MPI: variants seen among roughly 807,000 people sequenced by gnomAD.
MPI encodes mannose phosphate isomerase, also known as mannose-6-phosphate isomerase.
Under a neutral mutation model 40.1 loss-of-function variants are expected in MPI, and 33 were observed. The observed-to-expected ratio is 0.82, with a 90% CI of 0.62 to 1.10. MPI has a LOEUF of 1.10. Among genes scored for constraint, MPI ranks in the 50% least tolerant of loss-of-function variants. MPI has a pLI of 0.00. For synonymous variants in MPI, 187 were observed against 207.4 expected, an observed-to-expected ratio of 0.90 and a Z score of 0.85; for missense variants, 514 against 524.1, an observed-to-expected ratio of 0.98 and a Z score of 0.19.
intron 5 of MPI, 126 bp downstream of exon 5, chr15:74,893,446 A>G (rs1447327701): frequency 9.6e-7 from 1 of 1,041,126 alleles, no homozygotes; most frequent in African/African-American, 1.6e-5. Context: ...CCCCACTTAG[A>G]TGACCTGTTG....
In MPI at chr15:74,890,054, T is replaced by C. The variant is rs1448993721; in HGVS notation, c.-20T>C. ...TGCCGGGAAAGGCATACGTGCTTAATCCTGGTGCAGGGGGCGAGCATGGCC... is the reference window on the plus strand; with the variant it reads ...TGCCGGGAAAGGCATACGTGCTTAACCCTGGTGCAGGGGGCGAGCATGGCC... On this transcript the variant is annotated 5_prime_UTR_variant, in exon 1 of 8. Coordinates refer to ENST00000352410, the MANE Select transcript of MPI (RefSeq NM_002435.3). 2 of 1,605,940 alleles carry C rather than the reference T, an allele frequency of 1.2e-6. No homozygotes were observed. The highest frequency in any genetic ancestry group is 1.7e-6 in the Non-Finnish European group (2 of 1,179,898).
chr15:74,897,379 T>G, intron 7 of MPI, 133 bp from the exon 8 acceptor site: 1 of 1,288,300 alleles, frequency 7.8e-7, no homozygotes, highest in East Asian at 2.4e-5. Context: ...GGACCAGGCC[T>G]CTATGCTGAC....
rs747755732 is a variant in MPI, at chr15:74,897,587, G to A, written c.1129G>A (p.Val377Ile). The A allele has an allele frequency of 1.9e-6, 3 of 1,614,080 alleles. No individual in the cohort carries two copies. The highest frequency in any genetic ancestry group is 2.7e-5 in the African/African-American group (2 of 74,920). The change falls in exon 8 of 8, where the codon GTA (valine) becomes ATA (isoleucine). Residue 377 changes from valine (V) to isoleucine (I), a missense_variant. Transcript: ENST00000352410. ...CATCCTCCTGATGGTACAGGGGACA[G>A]TAATAGCCAGCACACCCACAACCCA... ...ASILLMVQGT[V>I]IASTPTTQTP... is the part of the protein sequence containing the mutation.
At position 74,890,047 on chromosome 15, in the gene MPI, T is replaced by A; in HGVS notation, c.-27T>A. ...CGGGGGCTGCCGGGAAAGGCATACG[T>A]GCTTAATCCTGGTGCAGGGGGCGAG... On this transcript the variant is annotated 5_prime_UTR_variant, in exon 1 of 8. Transcript: ENST00000352410. 6.2e-6 allele frequency: 10 copies of A among 1,604,894 alleles called. 1 individual carries two copies. Among genetic ancestry groups the A allele is most frequent in the South Asian group, 2.2e-5 (2 of 91,022 alleles).
In MPI at chr15:74,901,136, T is replaced by A. The variant is rs559116467; in HGVS notation, c.*3406T>A. 6.6e-6 allele frequency: 1 copy of A among 152,348 alleles called. No individual in the cohort carries two copies. The highest frequency in any genetic ancestry group is 2.4e-5 in the African/African-American group (1 of 41,550). 9.4% of individuals were successfully genotyped at this position (152,348 alleles called of 1,614,324 possible). A position where few individuals can be genotyped will look rare whatever the true frequency, so the allele number is the denominator to read the frequency against. On this transcript the variant is annotated 3_prime_UTR_variant, in exon 8 of 8. Transcript: ENST00000352410. ...TATACCCCAATCCCGACTATTGGGC[T>A]GGGAACCCTGTCTATGCCCATTCAA...
At position 74,901,744 on chromosome 15, in the gene MPI, G is replaced by A. The variant is rs1490755100; in HGVS notation, c.*4014G>A. 2.0e-5 allele frequency: 4 copies of A among 201,150 alleles called. No individual in the cohort carries two copies. In the East Asian group the frequency reaches 3.3e-4, roughly 16 times the overall value. The allele number at this position is 201,150 out of a possible 1,614,324, so 12.5% of individuals were successfully genotyped here. On this transcript the variant is annotated 3_prime_UTR_variant, in exon 8 of 8. Transcript: ENST00000352410. ...AAAAAGTAAACAATAGGAAGGCACC[G>A]GACTGCTCCCTGTAGCTCCCTCTGC...
intron 2 of MPI, chr15:74,890,965 TCCTG>T (rs952528429): frequency 3.5e-5 from 20 of 566,638 alleles, no homozygotes; most frequent in Admixed American, 3.4e-4. Context: ...AAAATATTTC[TCCTG>T]CCTATTTAGT....
chr15:74,891,878 C>T (rs78390497), intron 3 of MPI, among the ~76,000 whole-genome samples: 2,957 of 152,290 alleles, frequency 0.019, 99 homozygotes, highest in African/African-American at 0.067. Flanking sequence ...GCCATTTACT[C>T]ATCTGCTTTC....
At chr15:74,894,929 C>T (rs2064794884) in intron 5 of MPI, among the ~76,000 whole-genome samples, 1 of 152,040 alleles carries the variant, frequency 6.6e-6, no homozygotes, top group South Asian at 2.1e-4. Context: ...GCCTCATGCT[C>T]TCTGGAGCAG....
At chr15:74,896,976 TTCA>T in intron 6 of MPI, 32 bp from the exon 7 acceptor site, 2 of 1,602,836 alleles carry the variant, frequency 1.2e-6, no homozygotes, top group Non-Finnish European at 1.7e-6. Flanking sequence ...TAAGGCATAC[TTCA>T]TCAGCTTAGC....
rs149477499 is a variant in MPI, at chr15:74,890,079, C to G, written c.6C>G (p.Ala2=). Residue 2 remains alanine, a synonymous_variant, in exon 1 of 8, where the codon GCC becomes GCG. Coordinates refer to ENST00000352410, the MANE Select transcript of MPI (RefSeq NM_002435.3). ...TCCTGGTGCAGGGGGCGAGCATGGC[C>G]GCTCCGCGAGGTGAGCCATTGGCTG... M[A]APRVFPLSCA... 6.2e-7 allele frequency: 1 copy of G among 1,607,818 alleles called. No individual in the cohort carries two copies. Among genetic ancestry groups the G allele is most frequent in the Non-Finnish European group, 8.5e-7 (1 of 1,179,958 alleles).
At chr15:74,893,689 C>T (rs1662885852) in intron 5 of MPI, 4 of 569,700 alleles carry the variant, frequency 7.0e-6, no homozygotes, top group Non-Finnish European at 9.5e-6. Context: ...CATCCTCCCT[C>T]TCCTGGAAAG....
intron 2 of MPI, 88 bp downstream of exon 2, chr15:74,890,742 T>A: frequency 5.7e-6 from 9 of 1,590,964 alleles, no homozygotes; most frequent in Non-Finnish European, 7.7e-6. Context: ...CTGGGAAGGG[T>A]GAGGCAGCAA....
At position 74,893,196 on chromosome 15, in the gene MPI, C is replaced by G; in HGVS notation, c.546C>G (p.Thr182=). Residue 182 remains threonine, a synonymous_variant, in exon 5 of 8, where the codon ACC becomes ACG. Coordinates refer to ENST00000352410, the MANE Select transcript of MPI (RefSeq NM_002435.3). ...GDEAATHLKQ[T]MSHDSQAVAS... ...AGGCAGCAACACACCTGAAGCAGAC[C>G]ATGAGCCATGACTCCCAGGCTGTGG... is the stretch of plus-strand genomic sequence containing the variant. 6.2e-7 allele frequency: 1 copy of G among 1,614,208 alleles called. No individual in the cohort carries two copies. Among genetic ancestry groups the G allele is most frequent in the South Asian group, 1.1e-5 (1 of 91,084 alleles).
chr15:74,896,872 C>A (rs556946460), intron 6 of MPI, 139 bp from the exon 7 acceptor site: 2 of 791,606 alleles, frequency 2.5e-6, no homozygotes, highest in Middle Eastern at 3.5e-4. Context: ...ATATCTTAAC[C>A]CCATTCTCCC....
At chr15:74,894,095 T>TTTTCTGAGCCA (rs1567267231) in intron 5 of MPI, among the ~76,000 whole-genome samples, 3 of 54,942 alleles carry the variant, frequency 5.5e-5, no homozygotes, top group East Asian at 9.1e-4. Context: ...TGTGTGTGTG[T>TTTTCTGAGCCA]GTGTGTGTGT....
Position 74,890,043 on chromosome 15 carries a change from T to C in MPI, c.-31T>C, listed in dbSNP as rs1345604315. The C allele has an allele frequency of 6.2e-7, 1 of 1,603,716 alleles. No homozygotes were observed. The highest frequency in any genetic ancestry group is 8.5e-7 in the Non-Finnish European group (1 of 1,179,264). On this transcript the variant is annotated 5_prime_UTR_variant, in exon 1 of 8. Transcript: ENST00000352410. ...GCCGCGGGGGCTGCCGGGAAAGGCATACGTGCTTAATCCTGGTGCAGGGGG... is the reference window on the plus strand; with the variant it reads ...GCCGCGGGGGCTGCCGGGAAAGGCACACGTGCTTAATCCTGGTGCAGGGGG...
rs7495739 is a variant in MPI at position 74,893,329 on chromosome 15, A to T, written c.670+9A>T. The T allele has an allele frequency of 7.5e-5, 121 of 1,613,710 alleles. No homozygotes were observed. The highest frequency in any genetic ancestry group is 9.7e-5 in the Non-Finnish European group (115 of 1,179,866). ...GCGGATCTCCCAGCAAGGTGGACACAGTTATATTCCTGGTTGGGTGCAATG... is the reference window on the plus strand; with the variant it reads ...GCGGATCTCCCAGCAAGGTGGACACTGTTATATTCCTGGTTGGGTGCAATG... On this transcript the variant is annotated intron_variant, in intron 5 of 7. Transcript: ENST00000352410.
In MPI at chr15:74,897,075, T is replaced by G. The variant is rs1241106775; in HGVS notation, c.909T>G (p.Ile303Met). 1 of 1,614,080 alleles carries G rather than the reference T, an allele frequency of 6.2e-7. No homozygotes were observed. Among genetic ancestry groups the G allele is most frequent in the Non-Finnish European group, 8.5e-7 (1 of 1,180,010 alleles). ...TVRAGLTPKF[I>M]DVPTLCEMLS... ...GTGCTGGCCTGACACCCAAGTTCAT[T>G]GATGTGCCAACCCTGTGTGAAATGC... Residue 303 changes from isoleucine (I) to methionine (M), a missense_variant, in exon 7 of 8, where the codon ATT becomes ATG. Ile to Met is a conservative substitution (Grantham distance 10, BLOSUM62 1). Coordinates refer to ENST00000352410, the MANE Select transcript of MPI (RefSeq NM_002435.3).
Sources: gnomAD v4.1 joint callset for allele counts (sites outside exome capture counted in the v4.1 genomes callset) on GRCh38, gnomAD v4.1.1 for gene constraint, MANE v1.5 for transcripts, NCBI Gene and HGNC (gene_info 2026-07-23, HGNC 2026-07-21) for gene names.